DLC1: variants seen among roughly 807,000 people sequenced by gnomAD.
DLC1 encodes DLC1 Rho GTPase activating protein.
Under a neutral mutation model 140.3 loss-of-function variants are expected in DLC1, and 54 were observed. That is an observed-to-expected ratio of 0.38 (90% confidence interval 0.31 to 0.48). The LOEUF is 0.48. DLC1 is among the 20% of genes least tolerant of loss of function. The pLI, the probability that DLC1 is intolerant of heterozygous loss-of-function variation, is 0.96. For missense variants in DLC1, 2,536 were observed against 1,907.0 expected (o/e 1.33, Z -6.14); for synonymous variants, 986 against 728.1 (o/e 1.35, Z -5.70).
intron 2 of DLC1, among the ~76,000 whole-genome samples, chr8:13,422,750 T>G (rs1200530161): frequency 1.3e-5 from 2 of 152,050 alleles, no homozygotes; most frequent in African/African-American, 4.8e-5. Context: ...AAATCCTCTC[T>G]TAAGGAGTTG....
chr8:13,519,562 C>T (rs944712540), upstream of DLC1, among the ~76,000 whole-genome samples: 1 of 152,146 alleles, frequency 6.6e-6, no homozygotes, highest in East Asian at 1.9e-4. Flanking sequence ...AATTTTGACA[C>T]CCAACTTGGT....
intron 2 of DLC1, among the ~76,000 whole-genome samples, chr8:13,459,238 G>A (rs2117015183): frequency 6.6e-6 from 1 of 152,084 alleles, no homozygotes; most frequent in East Asian, 1.9e-4. Context: ...GTGTTTTTCT[G>A]ATTTCTTCCT....
At chr8:13,293,292 T>C (rs113738482) in intron 5 of DLC1, among the ~76,000 whole-genome samples, 28 of 152,294 alleles carry the variant, frequency 1.8e-4, no homozygotes, top group African/African-American at 6.7e-4. Context: ...ATAAATTAAA[T>C]GGTTATAAAA....
chr8:13,173,330 A>G (rs1215649659), intron 5 of DLC1, among the ~76,000 whole-genome samples: 2 of 147,452 alleles, frequency 1.4e-5, no homozygotes, highest in Non-Finnish European at 3.0e-5. Flanking sequence ...TGATGCTTCT[A>G]TGGAAACCAA....
chr8:13,432,880 T>C (rs1838948192), intron 2 of DLC1, among the ~76,000 whole-genome samples: 1 of 150,982 alleles, frequency 6.6e-6, no homozygotes, highest in African/African-American at 2.4e-5. Flanking sequence ...GAGTAGCTGC[T>C]GTGTGGTGCT....
chr8:13,167,705 A>G (rs1313548614), intron 5 of DLC1, among the ~76,000 whole-genome samples: 4 of 152,214 alleles, frequency 2.6e-5, no homozygotes, highest in Non-Finnish European at 5.9e-5. Context: ...TTCTCATTGG[A>G]TCAGTCACTT....
chr8:13,283,355 A>T (rs186748242), intron 5 of DLC1, among the ~76,000 whole-genome samples: 238 of 152,130 alleles, frequency 1.6e-3, no homozygotes, highest in African/African-American at 5.6e-3. Context: ...TTTTTCCAGA[A>T]AATATACGAT....
At chr8:13,509,110 A>G (rs1032328460) in intron 1 of DLC1, among the ~76,000 whole-genome samples, 2 of 152,214 alleles carry the variant, frequency 1.3e-5, no homozygotes, top group African/African-American at 2.4e-5. Flanking sequence ...TTTTTATTCA[A>G]CAAGGAACAC....
chr8:13,522,603 C>T (rs186005491), intron 1 of DLC1, among the ~76,000 whole-genome samples: 10 of 150,718 alleles, frequency 6.6e-5, no homozygotes, highest in Middle Eastern at 3.4e-3. Flanking sequence ...CCAGCCTGGG[C>T]GACAAGAGCA....
At chr8:13,386,554 G>A (rs192704910) in intron 4 of DLC1, among the ~76,000 whole-genome samples, 173 of 152,236 alleles carry the variant, frequency 1.1e-3, no homozygotes, top group Non-Finnish European at 2.0e-3. Flanking sequence ...CATGTAAATG[G>A]ATTGGAAACA....
intron 4 of DLC1, among the ~76,000 whole-genome samples, chr8:13,378,811 A>G (rs915387541): frequency 5.9e-5 from 9 of 152,160 alleles, no homozygotes; most frequent in African/African-American, 9.7e-5. Context: ...TTCATGTCCT[A>G]GTAATGTCCC....
Position 13,305,286 on chromosome 8 carries a change from G to A in DLC1, c.1331C>T (p.Ser444Leu). The change falls in exon 5 of 18, where the codon TCA becomes TTA. Residue 444 changes from serine to leucine, a missense_variant. Coordinates refer to ENST00000276297, the MANE Select transcript of DLC1 (RefSeq NM_182643.3). The part of the protein sequence containing the change: ...KPKTTAIQGI[S>L]EKEKAEIEAK... ...CAACTTACCAGCCTTTTCCTTCTCT[G>A]AAATACCTTGAATAGCCTGAAAAAA... 3 of 1,606,902 alleles carry A rather than the reference G, an allele frequency of 1.9e-6. No homozygotes were observed. The highest frequency in any genetic ancestry group is 2.5e-6 in the Non-Finnish European group (3 of 1,176,858).
rs568718444 is a variant in DLC1 at position 13,325,500 on chromosome 8, G to A, written c.1315-20198C>T. Among the ~76,000 whole-genome samples the A allele has an allele frequency of 9.6e-4, 146 of 151,536 alleles. 1 individual carries two copies. The highest frequency in any genetic ancestry group is 1.4e-3 in the Non-Finnish European group (97 of 68,006). On this transcript the variant is annotated intron_variant, in intron 4 of 17. Transcript: ENST00000276297. Reference sequence around the variant, plus strand: ...CACACAGAAAATCTCACAGAGTCATGTATGCTGGTGTAAAATATAAAAGCT... The same window carrying A: ...CACACAGAAAATCTCACAGAGTCATATATGCTGGTGTAAAATATAAAAGCT...
chr8:13,172,602 T>A (rs562070259), intron 5 of DLC1, among the ~76,000 whole-genome samples: 9 of 152,376 alleles, frequency 5.9e-5, no homozygotes, highest in Non-Finnish European at 1.2e-4. Flanking sequence ...CTTCGTCAAC[T>A]CACACAGTAA....
Position 13,561,897 on chromosome 8 carries a change from G to T in DLC1, c.-126+42640C>A, listed in dbSNP as rs139846060. Among the ~76,000 whole-genome samples the T allele has an allele frequency of 3.0e-3, 459 of 152,160 alleles. 1 individual carries two copies. The highest frequency in any genetic ancestry group is 0.011 in the African/African-American group (441 of 41,520). On this transcript the variant is annotated intron_variant, in intron 1 of 1. Transcript: ENST00000631382. ...AAAGAAATTAGATATCAAAGACAAA[G>T]CAATTACTGACATAAAAATTAGAAA... is the stretch of plus-strand genomic sequence containing the variant.
chr8:13,113,979 A>G (rs1223964687), intron 6 of DLC1, among the ~76,000 whole-genome samples: 1 of 152,240 alleles, frequency 6.6e-6, no homozygotes, highest in African/African-American at 2.4e-5. Context: ...CCTCTGTTTG[A>G]AAGTTACCCA....
chr8:13,230,202 T>A (rs78129149), intron 5 of DLC1, among the ~76,000 whole-genome samples: 6,628 of 152,308 alleles, frequency 0.044, 366 homozygotes, highest in African/African-American at 0.12. Context: ...CCATTTCTGG[T>A]ACTTGTAGCC....
intron 5 of DLC1, among the ~76,000 whole-genome samples, chr8:13,220,229 G>T (rs1255886077): frequency 6.6e-6 from 1 of 152,128 alleles, no homozygotes; most frequent in Non-Finnish European, 1.5e-5. Context: ...TTTGGTCTCT[G>T]GGAAGGCAAG....
intron 5 of DLC1, among the ~76,000 whole-genome samples, chr8:13,125,676 C>T (rs1328622012): frequency 6.6e-6 from 1 of 152,062 alleles, no homozygotes; most frequent in Non-Finnish European, 1.5e-5. Flanking sequence ...AATCACCATA[C>T]TGGTTTTCAG....
Sources: gnomAD v4.1 joint callset for allele counts (sites outside exome capture counted in the v4.1 genomes callset) on GRCh38, gnomAD v4.1.1 for gene constraint, MANE v1.5 for transcripts, NCBI Gene and HGNC (gene_info 2026-07-23, HGNC 2026-07-21) for gene names.